Variants in ANKRD36B observed in about 807,000 individuals in gnomAD.
ANKRD36B encodes ankyrin repeat domain-containing protein 36B.
ANKRD36B carries 37 observed loss-of-function variants against 135.7 expected under a neutral mutation model. The observed-to-expected ratio is 0.27, with a 90% CI of 0.21 to 0.36. The LOEUF (loss-of-function observed/expected upper bound fraction) is 0.36, where lower values mean the gene tolerates loss of function less well. ANKRD36B is among the 10% of genes least tolerant of loss of function. The pLI, the probability that ANKRD36B is intolerant of heterozygous loss-of-function variation, is 1.00. For missense variants in ANKRD36B, 549 were observed against 1,037.1 expected (o/e 0.53, Z 6.46); for synonymous variants, 179 against 348.1 (o/e 0.51, Z 5.41).
At chr2:97,555,995 T>C (rs563168577) in intron 12 of ANKRD36B, among the ~76,000 whole-genome samples, 29 of 152,006 alleles carry the variant, frequency 1.9e-4, no homozygotes, top group Admixed American at 3.9e-4. Flanking sequence ...GCATTAGATA[T>C]TAATAAGCTT....
chr2:97,534,508 A>G (rs2078761472), intron 34 of ANKRD36B, among the ~76,000 whole-genome samples: 1 of 96,754 alleles, frequency 1.0e-5, no homozygotes, highest in South Asian at 2.4e-4. Flanking sequence ...AAACATGCTC[A>G]GAAATAGTAG....
Position 97,551,363 on chromosome 2 carries a change from T to A in ANKRD36B, c.1303-2A>T. On this transcript the variant is annotated splice_acceptor_variant, in intron 17 of 43. Transcript: ENST00000359901. LOFTEE classifies it high-confidence loss of function. Reference sequence around the variant, plus strand: ...AGAATCTTTCTCATCACTTGTGGCCTGAATGGAATTTGAAACAAAATAATA... The same window carrying A: ...AGAATCTTTCTCATCACTTGTGGCCAGAATGGAATTTGAAACAAAATAATA... The A allele has an allele frequency of 6.3e-7, 1 of 1,598,104 alleles. No homozygotes were observed. The highest frequency in any genetic ancestry group is 1.1e-5 in the South Asian group (1 of 90,094).
intron 16 of ANKRD36B, among the ~76,000 whole-genome samples, chr2:97,552,240 AC>A (rs2080133026): frequency 6.6e-6 from 1 of 151,998 alleles, no homozygotes. Context: ...GATATTAATC[AC>A]TTTTTCATTC....
chr2:97,514,025 A>G lies in ANKRD36B; in HGVS notation c.2622-662T>C, dbSNP rs1459792010. On this transcript the variant is annotated intron_variant, in intron 37 of 43. Coordinates refer to ENST00000359901, the MANE Select transcript of ANKRD36B (RefSeq NM_001393939.1). ...TCTAAAATGTATAAAACCAAGCTGC[A>G]CCCCGACCACTTCGGGCACATGTTC... is the stretch of plus-strand genomic sequence containing the variant. Among the ~76,000 whole-genome samples the G allele has an allele frequency of 1.8e-3, 237 of 128,768 alleles. 2 individuals are homozygous for G. The highest frequency in any genetic ancestry group is 2.4e-3 in the Non-Finnish European group (155 of 64,020). The allele number at this position is 128,768 out of a possible 152,430, so 84.5% of individuals were successfully genotyped here.
intron 6 of ANKRD36B, among the ~76,000 whole-genome samples, chr2:97,570,103 C>T (rs528230876): frequency 1.3e-5 from 2 of 152,196 alleles, no homozygotes; most frequent in African/African-American, 2.4e-5. Context: ...ATTATAATTA[C>T]CTAATATTGC....
At position 97,525,474 on chromosome 2, in the gene ANKRD36B, A is replaced by G. The variant is rs1450801123; in HGVS notation, c.2266-2007T>C. ...TGGTCTACAGCTCCCAGTGTGAGCG[A>G]CGCAGAAGATGGGTGATTTCTGCAT... On this transcript the variant is annotated intron_variant, in intron 35 of 43. Transcript: ENST00000359901. Among the ~76,000 whole-genome samples, 3 of 96,878 alleles carry G rather than the reference A, an allele frequency of 3.1e-5. 1 individual carries two copies. Among genetic ancestry groups the G allele is most frequent in the Non-Finnish European group, 8.2e-5 (3 of 36,420 alleles). The allele number at this position is 96,878 out of a possible 152,430, so 63.6% of individuals were successfully genotyped here. A position where few individuals can be genotyped will look rare whatever the true frequency, so the allele number is the denominator to read the frequency against.
At chr2:97,583,571 T>TTATC (rs2082757431) in intron 3 of ANKRD36B, among the ~76,000 whole-genome samples, 1 of 124,646 alleles carries the variant, frequency 8.0e-6, no homozygotes, top group Non-Finnish European at 1.6e-5. Flanking sequence ...TATATTACAC[T>TTATC]TATCTATTCA....
chr2:97,587,051 T>G (rs1386295140), intron 1 of ANKRD36B, among the ~76,000 whole-genome samples: 6 of 152,242 alleles, frequency 3.9e-5, no homozygotes, highest in Non-Finnish European at 2.9e-5. Flanking sequence ...GGCGCACACC[T>G]GTAATCCCAG....
chr2:97,575,702 T>A (rs902697081), intron 6 of ANKRD36B, among the ~76,000 whole-genome samples: 9 of 151,300 alleles, frequency 5.9e-5, no homozygotes, highest in African/African-American at 1.9e-4. Flanking sequence ...GTAAAACAAA[T>A]AAAGAAGGCA....
chr2:97,544,815 A>T lies in ANKRD36B; in HGVS notation c.1682-830T>A, dbSNP rs796838155. ...TAGGAGTTAATTAGAATTCAACATA[A>T]TTTTTGTTTCTAAAAAGTCTTTTTT... On this transcript the variant is annotated intron_variant, in intron 24 of 43. Coordinates refer to ENST00000359901, the MANE Select transcript of ANKRD36B (RefSeq NM_001393939.1). Among the ~76,000 whole-genome samples the T allele has an allele frequency of 5.2e-5, 5 of 96,896 alleles. 1 individual carries two copies. The highest frequency in any genetic ancestry group is 4.6e-4 in the South Asian group (2 of 4,308). 63.6% of individuals were successfully genotyped at this position (96,896 alleles called of 152,430 possible). A position where few individuals can be genotyped will look rare whatever the true frequency, so the allele number is the denominator to read the frequency against.
chr2:97,537,131 G>C lies in ANKRD36B; in HGVS notation c.2090-635C>G, dbSNP rs1226535266. ...TATCCTCTAGTTTAGCCTTCAGAAA[G>C]TTTCTTCATCCACTAATGGCAAGAA... On this transcript the variant is annotated intron_variant, in intron 32 of 43. Transcript: ENST00000359901. Among the ~76,000 whole-genome samples, 2 of 96,018 alleles carry C rather than the reference G, an allele frequency of 2.1e-5. 1 individual carries two copies. Among genetic ancestry groups the C allele is most frequent in the Non-Finnish European group, 5.5e-5 (2 of 36,270 alleles). The allele number at this position is 96,018 out of a possible 152,430, so 63.0% of individuals were successfully genotyped here.
chr2:97,572,820 A>G (rs1295573612), intron 6 of ANKRD36B, among the ~76,000 whole-genome samples: 10 of 151,978 alleles, frequency 6.6e-5, no homozygotes, highest in African/African-American at 2.4e-4. Context: ...GTCCCAGAAC[A>G]CAGAGACTTG....
At chr2:97,535,958 G>A (rs192224157) in intron 34 of ANKRD36B, among the ~76,000 whole-genome samples, 2 of 93,730 alleles carry the variant, frequency 2.1e-5, no homozygotes, top group East Asian at 4.7e-4. Context: ...CCAGCTACTC[G>A]GGAGGCTGAG....
intron 16 of ANKRD36B, among the ~76,000 whole-genome samples, chr2:97,552,072 G>A (rs189221919): frequency 4.5e-4 from 68 of 152,030 alleles, no homozygotes; most frequent in African/African-American, 1.4e-3. Context: ...CCCATGTGGT[G>A]TAATAATTTG....
At chr2:97,571,254 A>G (rs188977839) in intron 6 of ANKRD36B, among the ~76,000 whole-genome samples, 43 of 152,254 alleles carry the variant, frequency 2.8e-4, no homozygotes, top group African/African-American at 1.0e-3. Flanking sequence ...TGAGGCAGGA[A>G]GATTGCTTGA....
intron 35 of ANKRD36B, chr2:97,525,048 T>C (rs1208657603): frequency 3.1e-5 from 3 of 97,692 alleles, no homozygotes; most frequent in Admixed American, 9.1e-5. Context: ...TTTAAAATAA[T>C]TAAAGTTTAA....
At chr2:97,555,313 C>T (rs1036623959) in intron 12 of ANKRD36B, 59 bp from the exon 13 acceptor site, 4 of 1,602,384 alleles carry the variant, frequency 2.5e-6, no homozygotes, top group East Asian at 2.3e-5. Context: ...GTTATCCATA[C>T]ATTCATGAAA....
At position 97,547,605 on chromosome 2, in the gene ANKRD36B, T is replaced by C. The variant is rs771640912; in HGVS notation, c.1510A>G (p.Thr504Ala). Residue 504 changes from threonine (T) to alanine (A), a missense_variant, in exon 22 of 44, where the codon ACA becomes GCA. Coordinates refer to ENST00000359901, the MANE Select transcript of ANKRD36B (RefSeq NM_001393939.1). Reference protein sequence around the residue: ...SFEQPPGLKATRDEKDSLLNI... With the variant: ...SFEQPPGLKAARDEKDSLLNI... ...AAAAGAGAATCTTTCTCGTCTCTTGTAGCCTGAATGGAATTTGAAATGAAA... is the reference window on the plus strand; with the variant it reads ...AAAAGAGAATCTTTCTCGTCTCTTGCAGCCTGAATGGAATTTGAAATGAAA... The C allele has an allele frequency of 8.9e-6, 14 of 1,573,810 alleles. No individual in the cohort carries two copies. In the Admixed American group the frequency reaches 1.0e-4, roughly 12 times the overall value.
At chr2:97,555,630 G>C (rs930476376) in intron 12 of ANKRD36B, among the ~76,000 whole-genome samples, 16 of 151,880 alleles carry the variant, frequency 1.1e-4, no homozygotes, top group East Asian at 7.8e-4. Flanking sequence ...TTCATGCAAG[G>C]TATCAAAAGG....
Sources: gnomAD v4.1 joint callset for allele counts (sites outside exome capture counted in the v4.1 genomes callset) on GRCh38, gnomAD v4.1.1 for gene constraint, MANE v1.5 for transcripts, NCBI Gene and HGNC (gene_info 2026-07-23, HGNC 2026-07-21) for gene names.